SSH1: variants seen among roughly 807,000 people sequenced by gnomAD.
SSH1 encodes slingshot protein phosphatase 1.
Under a neutral mutation model 79.7 loss-of-function variants are expected in SSH1, and 43 were observed. The ratio of observed to expected loss-of-function variants is 0.54; its 90% CI spans 0.42 to 0.70. SSH1 has a LOEUF of 0.70. Ranked by LOEUF, SSH1 falls within the 30% of genes least tolerant of loss-of-function variation. The probability of loss-of-function intolerance (pLI) is 0.00; values close to 1 mark genes in which losing one functional copy is unlikely to be tolerated. For synonymous variants in SSH1, 599 were observed against 538.3 expected (o/e 1.11, Z -1.56); for missense variants, 1,206 against 1,358.8 (o/e 0.89, Z 1.77).
intron 2 of SSH1, among the ~76,000 whole-genome samples, chr12:108,845,776 T>A (rs2038886923): frequency 6.6e-6 from 1 of 152,236 alleles, no homozygotes; most frequent in Non-Finnish European, 1.5e-5. Context: ...CAGTAACCTA[T>A]GCACACATCC....
intron 2 of SSH1, among the ~76,000 whole-genome samples, chr12:108,824,934 G>A (rs974438746): frequency 3.9e-5 from 6 of 152,098 alleles, no homozygotes; most frequent in Admixed American, 3.3e-4. Flanking sequence ...ACGGCTTTGC[G>A]GGAGGTGGGG....
intron 2 of SSH1, among the ~76,000 whole-genome samples, chr12:108,834,887 T>C (rs934714848): frequency 1.3e-5 from 2 of 152,246 alleles, no homozygotes; most frequent in Non-Finnish European, 2.9e-5. Flanking sequence ...TGCTCTTCTC[T>C]GAAGTCAGTA....
chr12:108,794,955 T>C (rs1437605510), intron 13 of SSH1, among the ~76,000 whole-genome samples: 1 of 152,162 alleles, frequency 6.6e-6, no homozygotes, highest in African/African-American at 2.4e-5. Flanking sequence ...CTCTGCTCTA[T>C]TGTCTATGTT....
chr12:108,827,397 T>C, intron 2 of SSH1: 1 of 1,495,732 alleles, frequency 6.7e-7, no homozygotes. Flanking sequence ...CCCTCCGAGC[T>C]CTGGCCATCT....
chr12:108,792,565 C>T lies in SSH1; in HGVS notation c.1614G>A (p.Glu538=), dbSNP rs750826783. 57 of 1,613,874 alleles carry T rather than the reference C, an allele frequency of 3.5e-5. No homozygotes were observed. The highest frequency in any genetic ancestry group is 4.5e-5 in the Non-Finnish European group (53 of 1,179,922). ...SLVHLEDPER[E]ALLEEAAPPA... ...GTGGAGCAGCTTCCTCCAACAGAGCCTCCCTCTCCGGATCCTCCAGGTGGA... is the reference window on the plus strand; with the variant it reads ...GTGGAGCAGCTTCCTCCAACAGAGCTTCCCTCTCCGGATCCTCCAGGTGGA... The change falls in exon 14 of 15, where the codon GAG becomes GAA. Residue 538 remains glutamate (E), a synonymous_variant. Transcript: ENST00000326495.
At chr12:108,789,525 C>T (rs116434372) in intron 14 of SSH1, among the ~76,000 whole-genome samples, 164 of 152,270 alleles carry the variant, frequency 1.1e-3, no homozygotes, top group African/African-American at 3.7e-3. Context: ...TCTAAGTGAA[C>T]GTGACACATG....
At chr12:108,829,245 T>C (rs1421588276) in intron 2 of SSH1, among the ~76,000 whole-genome samples, 1 of 152,170 alleles carries the variant, frequency 6.6e-6, no homozygotes, top group Non-Finnish European at 1.5e-5. Flanking sequence ...GAGAATCACT[T>C]GAACCCAGGA....
rs2036385814 is a variant in SSH1 at position 108,788,976 on chromosome 12, C to T, written c.2162G>A (p.Arg721Lys). 2.5e-6 allele frequency: 4 copies of T among 1,612,022 alleles called. No homozygotes were observed. Among genetic ancestry groups the T allele is most frequent in the Non-Finnish European group, 3.4e-6 (4 of 1,178,790 alleles). Residue 721 changes from arginine to lysine, a missense_variant, in exon 15 of 15, where the codon AGG becomes AAG. Coordinates refer to ENST00000326495, the MANE Select transcript of SSH1 (RefSeq NM_018984.4). ...PPPFLPPAGSRRADTSGPGAG... is the reference protein window; with the variant it reads ...PPPFLPPAGSKRADTSGPGAG... ...CCCAGGGCCACTGGTGTCTGCCCTC[C>T]TGGAGCCTGCTGGTGGTAGGAACGG...
Position 108,848,055 on chromosome 12 carries a change from C to G in SSH1, c.110+4583G>C, listed in dbSNP as rs1184808777. Reference sequence around the variant, plus strand: ...AGTAGTCCCAATGGACTGGAAAAGGCACATGCGAGAGGGGAGGGTGGAAAG... The same window carrying G: ...AGTAGTCCCAATGGACTGGAAAAGGGACATGCGAGAGGGGAGGGTGGAAAG... On this transcript the variant is annotated intron_variant, in intron 2 of 14. Transcript: ENST00000326495. Among the ~76,000 whole-genome samples the G allele has an allele frequency of 2.0e-5, 3 of 152,120 alleles. No individual in the cohort carries two copies. In the East Asian group the frequency reaches 5.8e-4, roughly 29 times the overall value.
At chr12:108,811,209 T>A (rs1432239783) in intron 6 of SSH1, 51 bp downstream of exon 6, 2 of 1,565,458 alleles carry the variant, frequency 1.3e-6, no homozygotes, top group South Asian at 1.1e-5. Context: ...AGCTCGTGTT[T>A]TCAATGCCTA....
chr12:108,811,196 A>G (rs999218904), intron 6 of SSH1, 64 bp downstream of exon 6: 2 of 1,470,364 alleles, frequency 1.4e-6, no homozygotes, highest in African/African-American at 2.8e-5. Context: ...GGATGCCTGA[A>G]CCAGCTCGTG....
intron 5 of SSH1, among the ~76,000 whole-genome samples, chr12:108,815,886 CCTT>C (rs1007321504): frequency 8.5e-5 from 13 of 152,184 alleles, no homozygotes; most frequent in African/African-American, 3.1e-4. Context: ...TTATTCATCT[CCTT>C]CTAACAAGCA....
At chr12:108,822,966 CTG>C (rs1486781908) in intron 3 of SSH1, among the ~76,000 whole-genome samples, 1 of 152,202 alleles carries the variant, frequency 6.6e-6, no homozygotes. Context: ...AAAAGTCAGG[CTG>C]TAACTTACAG....
intron 14 of SSH1, chr12:108,791,971 T>A: frequency 1.5e-6 from 2 of 1,312,616 alleles, no homozygotes; most frequent in Non-Finnish European, 1.9e-6. Flanking sequence ...AAAAAGAAAT[T>A]GAGTTGGAAG....
intron 6 of SSH1, among the ~76,000 whole-genome samples, chr12:108,810,854 A>G (rs1321367765): frequency 6.6e-6 from 1 of 152,176 alleles, no homozygotes; most frequent in Admixed American, 6.5e-5. Context: ...TGTGCCTGTC[A>G]GTTGTATGTC....
At chr12:108,827,738 C>T (rs938436802) in intron 2 of SSH1, among the ~76,000 whole-genome samples, 8 of 152,198 alleles carry the variant, frequency 5.3e-5, no homozygotes, top group Admixed American at 1.3e-4. Flanking sequence ...GACCCCCTTC[C>T]GATTCAAATC....
chr12:108,806,143 C>A (rs1255784373), intron 9 of SSH1, among the ~76,000 whole-genome samples, 158 bp downstream of exon 9: 3 of 151,954 alleles, frequency 2.0e-5, no homozygotes, highest in Non-Finnish European at 4.4e-5. Context: ...AGGCCTGATA[C>A]AATTGTAGAA....
rs1239742872 is a variant in SSH1, at chr12:108,788,307, A to T, written c.2831T>A (p.Val944Asp). Reference protein sequence around the residue: ...RSSSSDSIHSVRGKPGLVKQR... With the variant: ...RSSSSDSIHSDRGKPGLVKQR... ...CTTCACCAGCCCGGGCTTCCCACGG[A>T]CACTGTGGATGCTATCGCTGCTGGA... The change falls in exon 15 of 15, where the codon GTC (valine) becomes GAC (aspartate). Residue 944 changes from valine (V) to aspartate (D), a missense_variant. Transcript: ENST00000326495. 2 of 1,613,346 alleles carry T rather than the reference A, an allele frequency of 1.2e-6. No homozygotes were observed. The highest frequency in any genetic ancestry group is 1.7e-6 in the Non-Finnish European group (2 of 1,179,948).
intron 2 of SSH1, chr12:108,827,195 T>C: frequency 6.9e-7 from 1 of 1,452,554 alleles, no homozygotes; most frequent in Non-Finnish European, 9.2e-7. Context: ...CCCCAAAATA[T>C]AAACAGCCAG....
Sources: gnomAD v4.1 joint callset for allele counts (sites outside exome capture counted in the v4.1 genomes callset) on GRCh38, gnomAD v4.1.1 for gene constraint, MANE v1.5 for transcripts, NCBI Gene and HGNC (gene_info 2026-07-23, HGNC 2026-07-21) for gene names.